The following CRK variants were observed in gnomAD, a reference collection of about 807,000 sequenced individuals.
CRK encodes CRK proto-oncogene, adaptor protein, also known as adapter molecule crk.
A neutral mutation model predicts 29.8 loss-of-function variants in CRK; 4 were observed. The observed-to-expected ratio is 0.13, with a 90% CI of 0.07 to 0.31. The LOEUF is 0.31. CRK is among the 10% of genes least tolerant of loss of function. The probability of loss-of-function intolerance (pLI) is 1.00; values close to 1 mark genes in which losing one functional copy is unlikely to be tolerated. For synonymous variants in CRK, 153 were observed against 164.9 expected, an observed-to-expected ratio of 0.93 and a Z score of 0.55; for missense variants, 274 against 396.5, an observed-to-expected ratio of 0.69 and a Z score of 2.62.
chr17:1,456,197 CG>C lies in CRK; in HGVS notation c.-81del. ...CCCCGGCGCCCGCCGCCCAGCGGAC[CG>C]GCTCCGGTTTCAGCTTCACAGCAGC... is the stretch of plus-strand genomic sequence containing the variant. On this transcript the variant is annotated 5_prime_UTR_variant, in exon 1 of 3. Transcript: ENST00000300574. The C allele has an allele frequency of 7.4e-7, 1 of 1,352,732 alleles. No individual in the cohort carries two copies. The highest frequency in any genetic ancestry group is 9.5e-7 in the Non-Finnish European group (1 of 1,057,564). The allele number at this position is 1,352,732 out of a possible 1,614,324, so 83.8% of individuals were successfully genotyped here.
chr17:1,427,030 CAAAA>C (rs562515421), intron 2 of CRK, among the ~76,000 whole-genome samples: 1 of 35,288 alleles, frequency 2.8e-5, no homozygotes, highest in African/African-American at 1.1e-4. Flanking sequence ...AAACTGTCTC[CAAAA>C]AAAAAAAAAA....
At chr17:1,442,031 A>AT (rs2073939420) in intron 1 of CRK, among the ~76,000 whole-genome samples, 2 of 49,874 alleles carry the variant, frequency 4.0e-5, no homozygotes, top group Non-Finnish European at 8.4e-5. Flanking sequence ...TTTTTTTTGT[A>AT]TTTTTTGTAG....
In CRK at chr17:1,421,111, T is replaced by G. The variant is rs1162331810; in HGVS notation, c.*2402A>C. The G allele has an allele frequency of 6.6e-6, 1 of 152,166 alleles. No individual in the cohort carries two copies. Among genetic ancestry groups the G allele is most frequent in the African/African-American group, 2.4e-5 (1 of 41,456 alleles). 9.4% of individuals were successfully genotyped at this position (152,166 alleles called of 1,614,324 possible). A position where few individuals can be genotyped will look rare whatever the true frequency, so the allele number is the denominator to read the frequency against. ...TTTTTTGGAAGACACTTATAAGACA[T>G]CCTTTGATTTCTTGAGGGGCATTAA... On this transcript the variant is annotated 3_prime_UTR_variant, in exon 3 of 3. Coordinates refer to ENST00000300574, the MANE Select transcript of CRK (RefSeq NM_016823.4).
intron 1 of CRK, among the ~76,000 whole-genome samples, chr17:1,454,788 T>C (rs1189563706): frequency 6.6e-6 from 1 of 152,172 alleles, no homozygotes; most frequent in Non-Finnish European, 1.5e-5. Context: ...ACCCCAGAAT[T>C]ACTTTGTACC....
chr17:1,452,700 G>C (rs956057490), intron 1 of CRK, among the ~76,000 whole-genome samples: 1 of 151,434 alleles, frequency 6.6e-6, no homozygotes, highest in Non-Finnish European at 1.5e-5. Flanking sequence ...TGAGGCAGGA[G>C]AATTGATTAA....
chr17:1,429,931 A>T, intron 2 of CRK, among the ~76,000 whole-genome samples: 1 of 152,194 alleles, frequency 6.6e-6, no homozygotes, highest in South Asian at 2.1e-4. Context: ...TCTCAAAAAA[A>T]AAAAAGAGAA....
intron 1 of CRK, among the ~76,000 whole-genome samples, chr17:1,449,865 A>G (rs1042347807): frequency 2.0e-5 from 3 of 152,210 alleles, no homozygotes; most frequent in Non-Finnish European, 4.4e-5. Flanking sequence ...TCAACGGAAA[A>G]GGCTGAGAAT....
At chr17:1,434,770 G>A (rs1185564784) in intron 2 of CRK, among the ~76,000 whole-genome samples, 2 of 124,786 alleles carry the variant, frequency 1.6e-5, no homozygotes, top group Non-Finnish European at 3.2e-5. Context: ...GCGATGGAGT[G>A]AGATTTCGTC....
At chr17:1,441,015 A>T (rs2073931305) in intron 1 of CRK, among the ~76,000 whole-genome samples, 1 of 151,944 alleles carries the variant, frequency 6.6e-6, no homozygotes, top group Non-Finnish European at 1.5e-5. Context: ...AGCTGAGTGC[A>T]ACCTCTACCT....
At chr17:1,426,986 A>G (rs2073784907) in intron 2 of CRK, among the ~76,000 whole-genome samples, 2 of 129,492 alleles carry the variant, frequency 1.5e-5, no homozygotes, top group East Asian at 4.9e-4. Flanking sequence ...GAGCCAAGAT[A>G]GTACCAGTGC....
At chr17:1,426,188 A>AG (rs2073777739) in intron 2 of CRK, 1 of 152,260 alleles carries the variant, frequency 6.6e-6, no homozygotes, top group African/African-American at 2.4e-5. Context: ...CTGCAAAAAA[A>AG]GAGAAAACCA....
chr17:1,448,733 G>C (rs2073995001), intron 1 of CRK, among the ~76,000 whole-genome samples: 1 of 149,542 alleles, frequency 6.7e-6, no homozygotes, highest in South Asian at 2.1e-4. Context: ...CTCAAATCCA[G>C]AGCCCACTGG....
intron 1 of CRK, among the ~76,000 whole-genome samples, chr17:1,451,258 A>G (rs1598306210): frequency 1.3e-5 from 2 of 150,162 alleles, no homozygotes; most frequent in South Asian, 4.3e-4. Flanking sequence ...TTTAGATAGC[A>G]GATGTGTATT....
intron 2 of CRK, among the ~76,000 whole-genome samples, chr17:1,429,550 A>T (rs2052046349): frequency 6.6e-6 from 1 of 152,014 alleles, no homozygotes; most frequent in African/African-American, 2.4e-5. Flanking sequence ...CTGGGATTAT[A>T]GGCATGGGCC....
At chr17:1,427,228 T>C (rs1437454999) in intron 2 of CRK, among the ~76,000 whole-genome samples, 2 of 147,062 alleles carry the variant, frequency 1.4e-5, no homozygotes, top group Non-Finnish European at 3.0e-5. Context: ...GAGTTTGAGC[T>C]GTAGCAAGCC....
chr17:1,445,821 G>A (rs1461374622), intron 1 of CRK, among the ~76,000 whole-genome samples: 2 of 152,218 alleles, frequency 1.3e-5, no homozygotes, highest in African/African-American at 2.4e-5. Flanking sequence ...TCACAGCTGG[G>A]TGGAGAAAAG....
intron 1 of CRK, among the ~76,000 whole-genome samples, chr17:1,448,374 C>T (rs1466461202): frequency 6.6e-6 from 1 of 152,048 alleles, no homozygotes; most frequent in African/African-American, 2.4e-5. Context: ...CCTGTAATCC[C>T]AGTACTTTGG....
chr17:1,436,082 C>A (rs561603429), intron 2 of CRK, among the ~76,000 whole-genome samples: 1 of 152,134 alleles, frequency 6.6e-6, no homozygotes, highest in Non-Finnish European at 1.5e-5. Flanking sequence ...TGCCACTCCT[C>A]GGAATGAGGA....
chr17:1,442,720 G>A (rs2150909170), intron 1 of CRK, among the ~76,000 whole-genome samples: 1 of 145,774 alleles, frequency 6.9e-6, no homozygotes, highest in South Asian at 2.2e-4. Flanking sequence ...CAATTCTTCT[G>A]CCTCAGCGCC....
Sources: gnomAD v4.1 joint callset for allele counts (sites outside exome capture counted in the v4.1 genomes callset) on GRCh38, gnomAD v4.1.1 for gene constraint, MANE v1.5 for transcripts, NCBI Gene and HGNC (gene_info 2026-07-23, HGNC 2026-07-21) for gene names.